JAKMIP3: variants seen among roughly 807,000 people sequenced by gnomAD.
The protein encoded by JAKMIP3 is janus kinase and microtubule-interacting protein 3.
JAKMIP3 carries 58 observed loss-of-function variants against 118.5 expected under a neutral mutation model. The observed-to-expected ratio is 0.49, with a 90% CI of 0.40 to 0.61. JAKMIP3 has a LOEUF of 0.61. Ranked by LOEUF, JAKMIP3 falls within the 20% of genes least tolerant of loss-of-function variation. The pLI is 0.00. For missense variants in JAKMIP3, 950 were observed against 1,109.0 expected (o/e 0.86, Z 2.04); for synonymous variants, 486 against 451.2 (o/e 1.08, Z -0.98).
intron 1 of JAKMIP3, among the ~76,000 whole-genome samples, chr10:132,078,322 G>A (rs193086517): frequency 6.7e-6 from 1 of 149,714 alleles, no homozygotes; most frequent in African/African-American, 2.5e-5. Flanking sequence ...TAAAGATGTG[G>A]AAGGATTTCA....
At chr10:132,132,470 G>A (rs561428385) in intron 3 of JAKMIP3, among the ~76,000 whole-genome samples, 10 of 151,294 alleles carry the variant, frequency 6.6e-5, no homozygotes, top group Middle Eastern at 3.4e-3. Flanking sequence ...GCGGGGCGGG[G>A]TACTTGCAGG....
chr10:132,104,826 G>T lies in JAKMIP3; in HGVS notation c.18G>T (p.Met6Ile). ...GCCTCACCATGTCCAAGAGGGGCATGAGCAGCCGGGCCAAGGGGGACAAGG... is the reference window on the plus strand; with the variant it reads ...GCCTCACCATGTCCAAGAGGGGCATTAGCAGCCGGGCCAAGGGGGACAAGG... MSKRG[M>I]SSRAKGDKAE... The change falls in exon 2 of 24, where the codon ATG (methionine) becomes ATT (isoleucine). Residue 6 changes from methionine (M) to isoleucine (I), a missense_variant. By Grantham distance (10) the Met-to-Ile change is conservative. Coordinates refer to ENST00000684848, the MANE Select transcript of JAKMIP3 (RefSeq NM_001323087.2). 1.3e-6 allele frequency: 2 copies of T among 1,552,546 alleles called. No homozygotes were observed. Among genetic ancestry groups the T allele is most frequent in the South Asian group, 1.2e-5 (1 of 84,088 alleles).
At chr10:132,140,428 A>T (rs1468298529) in intron 9 of JAKMIP3, 23 bp from the exon 10 acceptor site, 2 of 1,613,194 alleles carry the variant, frequency 1.2e-6, no homozygotes, top group Non-Finnish European at 1.7e-6. Flanking sequence ...GTTTGAACTG[A>T]CACGTCGCAT....
In JAKMIP3 at chr10:132,179,884, C is replaced by CGGAA. The variant is rs1465587795; in HGVS notation, c.*1104-2473_*1104-2472insGGAA. Among the ~76,000 whole-genome samples the CGGAA allele has an allele frequency of 6.6e-6, 1 of 152,186 alleles. No homozygotes were observed. Among genetic ancestry groups the CGGAA allele is most frequent in the Non-Finnish European group, 1.5e-5 (1 of 68,026 alleles). On this transcript the variant is annotated intron_variant, in intron 23 of 23. Coordinates refer to ENST00000684848, the MANE Select transcript of JAKMIP3 (RefSeq NM_001323087.2). The surrounding 1 kb of genome is among the most constrained non-coding windows in gnomAD (Gnocchi z 4.3). ...CTGGAGAGGCCTGTGAGCAGACTTC[C>CGGAA]TGTGCTCTCTCCCCTCCCATGCTCT... is the stretch of plus-strand genomic sequence containing the variant.
intron 2 of JAKMIP3, among the ~76,000 whole-genome samples, chr10:132,116,241 A>AAT (rs2047626271): frequency 6.6e-6 from 1 of 152,212 alleles, no homozygotes; most frequent in South Asian, 2.1e-4. Flanking sequence ...CCGGTGGGTG[A>AAT]CCTCAGGTTT....
chr10:132,104,853 A>C lies in JAKMIP3; in HGVS notation c.45A>C (p.Ala15=). The change falls in exon 2 of 24, where the codon GCA becomes GCC. Residue 15 remains alanine (A), a synonymous_variant. Coordinates refer to ENST00000684848, the MANE Select transcript of JAKMIP3 (RefSeq NM_001323087.2). ...GCAGCCGGGCCAAGGGGGACAAGGC[A>C]GAGGCCCTCGCGGCGCTGCAGGCGG... ...GMSSRAKGDK[A]EALAALQAAN... 1 of 1,557,070 alleles carries C rather than the reference A, an allele frequency of 6.4e-7. No homozygotes were observed.
At chr10:132,067,603 GACTGTGGGCTTCCGTGTGT>G (rs200850427) in intron 1 of JAKMIP3, among the ~76,000 whole-genome samples, 88,277 of 146,700 alleles carry the variant, frequency 0.6, 26,635 homozygotes, top group South Asian at 0.74. Context: ...CTTCCGTGTG[GACTGTGGGCTTCCGTGTGT>G]ACTGTGGGCT....
chr10:132,133,229 C>T, intron 3 of JAKMIP3, 83 bp from the exon 4 acceptor site: 4 of 1,202,366 alleles, frequency 3.3e-6, no homozygotes, highest in Non-Finnish European at 4.8e-6. Context: ...GAGCCCAGAG[C>T]CTGGCAGGGC....
intron 23 of JAKMIP3, among the ~76,000 whole-genome samples, chr10:132,170,870 G>A (rs200756617): frequency 8.5e-5 from 13 of 152,322 alleles, no homozygotes; most frequent in East Asian, 3.9e-4. Flanking sequence ...TCAGCCTCCC[G>A]GGATCAGGGA....
At chr10:132,036,795 G>C (rs1440028430) in intron 1 of JAKMIP3, among the ~76,000 whole-genome samples, 1 of 151,546 alleles carries the variant, frequency 6.6e-6, no homozygotes, top group African/African-American at 2.4e-5. Flanking sequence ...CGCTGCGTCT[G>C]GCACGGTGCG....
In JAKMIP3 at chr10:132,179,638, C is replaced by T. The variant is rs1006155763; in HGVS notation, c.*1104-2719C>T. On this transcript the variant is annotated intron_variant, in intron 23 of 23. Coordinates refer to ENST00000684848, the MANE Select transcript of JAKMIP3 (RefSeq NM_001323087.2). This position sits in a 1 kb window ranked among gnomAD's most constrained non-coding sequence, Gnocchi z 4.3. The stretch of plus-strand genomic sequence containing the variant: ...TGAAAGCAGATGTTCTGGGGGTCCC[C>T]GAGACCACCTGCATCTCTGGGGACT... Among the ~76,000 whole-genome samples, 3 of 152,046 alleles carry T rather than the reference C, an allele frequency of 2.0e-5. No homozygotes were observed. Among genetic ancestry groups the T allele is most frequent in the Non-Finnish European group, 4.4e-5 (3 of 68,010 alleles).
Position 132,182,654 on chromosome 10 carries a change from C to T in JAKMIP3, c.*1401C>T, listed in dbSNP as rs556195996. The T allele has an allele frequency of 6.7e-6, 1 of 150,212 alleles. No homozygotes were observed. Among genetic ancestry groups the T allele is most frequent in the Admixed American group, 6.6e-5 (1 of 15,186 alleles). 9.3% of individuals were successfully genotyped at this position (150,212 alleles called of 1,614,324 possible). A position where few individuals can be genotyped will look rare whatever the true frequency, so the allele number is the denominator to read the frequency against. ...ATTTCGAGGCACCTAGAAGTTGAGGCAGCCAGCTGTGCAGCCAGGTGTGAC... is the reference window on the plus strand; with the variant it reads ...ATTTCGAGGCACCTAGAAGTTGAGGTAGCCAGCTGTGCAGCCAGGTGTGAC... On this transcript the variant is annotated 3_prime_UTR_variant, in exon 24 of 24. Transcript: ENST00000684848.
chr10:132,123,788 T>TA (rs1170094149), intron 3 of JAKMIP3, among the ~76,000 whole-genome samples: 1 of 152,186 alleles, frequency 6.6e-6, no homozygotes, highest in Admixed American at 6.5e-5. Context: ...AATTGTGACT[T>TA]CCAGCCACCC....
Position 132,163,338 on chromosome 10 carries a change from G to C in JAKMIP3, c.2350G>C (p.Val784Leu). The C allele has an allele frequency of 6.2e-7, 1 of 1,609,972 alleles. No homozygotes were observed. The highest frequency in any genetic ancestry group is 8.5e-7 in the Non-Finnish European group (1 of 1,179,484). Residue 784 changes from valine (V) to leucine (L), a missense_variant, in exon 20 of 24, where the codon GTC (valine) becomes CTC (leucine). Coordinates refer to ENST00000684848, the MANE Select transcript of JAKMIP3 (RefSeq NM_001323087.2). The part of the protein sequence containing the change: ...KVAVEQWKRQ[V>L]MSELRERDAQ... Reference sequence around the variant, plus strand: ...GGCCGTGGAGCAGTGGAAGCGCCAGGTCATGAGTGAGCTGCGCGAGCGGGA... The same window carrying C: ...GGCCGTGGAGCAGTGGAAGCGCCAGCTCATGAGTGAGCTGCGCGAGCGGGA...
intron 19 of JAKMIP3, among the ~76,000 whole-genome samples, chr10:132,159,605 T>C (rs1432089515): frequency 4.1e-5 from 4 of 97,444 alleles, no homozygotes; most frequent in Non-Finnish European, 8.3e-5. Context: ...CATGTCTTCC[T>C]ATGTGATGCT....
chr10:132,127,234 T>C (rs906339453), intron 3 of JAKMIP3, among the ~76,000 whole-genome samples: 7 of 151,750 alleles, frequency 4.6e-5, no homozygotes, highest in African/African-American at 1.7e-4. Flanking sequence ...CTTTTTTTTT[T>C]TTTTTTCGAG....
intron 1 of JAKMIP3, among the ~76,000 whole-genome samples, chr10:132,046,051 C>T (rs756160489): frequency 8.5e-5 from 13 of 152,294 alleles, no homozygotes; most frequent in Admixed American, 2.6e-4. Context: ...GTAACCCACA[C>T]CCGGCAGATA....
At chr10:132,180,120 A>C (rs1243407602) in intron 23 of JAKMIP3, among the ~76,000 whole-genome samples, 1 of 152,202 alleles carries the variant, frequency 6.6e-6, no homozygotes, top group African/African-American at 2.4e-5. Context: ...TTGTTTGCAC[A>C]GTCTAGGCAG....
chr10:132,152,826 C>G (rs2056443648), intron 16 of JAKMIP3, 132 bp from the exon 17 acceptor site: 1 of 662,546 alleles, frequency 1.5e-6, no homozygotes, highest in Non-Finnish European at 2.7e-6. Context: ...AGTCAAAGCA[C>G]TTTTTAGCTC....
Sources: allele counts gnomAD v4.1 joint callset (sites outside exome capture counted in the v4.1 genomes callset), GRCh38; gene constraint gnomAD v4.1.1; non-coding constraint Gnocchi (gnomAD v3.1); transcripts MANE v1.5; gene names NCBI Gene and HGNC (gene_info 2026-07-23, HGNC 2026-07-21).